The following GARIN1B variants were observed in gnomAD, a reference collection of about 807,000 sequenced individuals.
The protein encoded by GARIN1B is golgi associated RAB2 interactor 1B.
At chr7:128,726,633 C>T in the GARIN1B span, among the ~76,000 whole-genome samples, 1 of 151,966 alleles carries the variant, frequency 6.6e-6, no homozygotes, top group African/African-American at 2.4e-5. Flanking sequence ...TCCACCTCCC[C>T]CTTCCCGATT....
At chr7:128,719,163 C>A in the GARIN1B span, 1 of 1,476,100 alleles carries the variant, frequency 6.8e-7, no homozygotes, top group Non-Finnish European at 9.2e-7. Context: ...TGTGAGTGCC[C>A]TATGAAGGTG....
the GARIN1B span, among the ~76,000 whole-genome samples, chr7:128,719,817 A>G: frequency 6.9e-6 from 1 of 145,896 alleles, no homozygotes; most frequent in East Asian, 2.0e-4. Context: ...CTCCTGCCTC[A>G]GCCTCCCAAG....
At chr7:128,714,261 T>C in the GARIN1B span, 4 of 956,006 alleles carry the variant, frequency 4.2e-6, no homozygotes, top group South Asian at 4.2e-5. Flanking sequence ...TTGACCTTGA[T>C]GGTTAATTCA....
the GARIN1B span, chr7:128,726,839 G>C: frequency 6.2e-7 from 1 of 1,613,906 alleles, no homozygotes; most frequent in Non-Finnish European, 8.5e-7. Context: ...TTCAGGAGCA[G>C]CAGAAAGGTG....
the GARIN1B span, among the ~76,000 whole-genome samples, chr7:128,720,398 C>T: frequency 6.6e-6 from 1 of 152,028 alleles, no homozygotes; most frequent in Non-Finnish European, 1.5e-5. Context: ...CAGGGTTTCA[C>T]CATGTTGGCC....
chr7:128,723,063 T>A, the GARIN1B span: 1 of 1,097,086 alleles, frequency 9.1e-7, no homozygotes, highest in Non-Finnish European at 1.3e-6. Context: ...CAGAATTGCC[T>A]CTGTGAGCAG....
At chr7:128,714,405 T>C in the GARIN1B span, among the ~76,000 whole-genome samples, 9 of 151,966 alleles carry the variant, frequency 5.9e-5, no homozygotes, top group Non-Finnish European at 1.0e-4. Context: ...GGAGAAACCC[T>C]GTCTCTACTA....
At chr7:128,723,266 A>G in the GARIN1B span, 2 of 1,613,276 alleles carry the variant, frequency 1.2e-6, no homozygotes, top group Non-Finnish European at 1.7e-6. Context: ...CAAGGGGGAG[A>G]GTGAAGCCCT....
chr7:128,711,675 A>T, the GARIN1B span, among the ~76,000 whole-genome samples: 6 of 151,890 alleles, frequency 4.0e-5, no homozygotes, highest in African/African-American at 1.2e-4. Context: ...ACACACACAC[A>T]CACACACACA....
chr7:128,727,033 A>G, the GARIN1B span, among the ~76,000 whole-genome samples: 1 of 152,046 alleles, frequency 6.6e-6, no homozygotes, highest in African/African-American at 2.4e-5. Context: ...GGCCACCACA[A>G]TCAAGTTGGC....
chr7:128,730,301 C>A, the GARIN1B span, among the ~76,000 whole-genome samples: 2,724 of 152,276 alleles, frequency 0.018, 46 homozygotes, highest in Non-Finnish European at 0.028. Flanking sequence ...GACGCTATAG[C>A]TGCTTTCTCT....
chr7:128,711,177 GTA>G, the GARIN1B span, among the ~76,000 whole-genome samples: 2 of 152,074 alleles, frequency 1.3e-5, no homozygotes. Context: ...GGAGAGAAGA[GTA>G]GCATCTTACG....
the GARIN1B span, among the ~76,000 whole-genome samples, chr7:128,714,539 A>G: frequency 3.3e-5 from 5 of 151,864 alleles, no homozygotes; most frequent in East Asian, 1.9e-4. Context: ...GATCGCGCAC[A>G]TTGTACTCCA....
chr7:128,729,003 A>AT, the GARIN1B span, among the ~76,000 whole-genome samples: 1 of 152,230 alleles, frequency 6.6e-6, no homozygotes, highest in Non-Finnish European at 1.5e-5. Context: ...AAGAAAACAG[A>AT]TGTGAGGAAT....
the GARIN1B span, among the ~76,000 whole-genome samples, chr7:128,714,749 G>A: frequency 6.6e-6 from 1 of 152,130 alleles, no homozygotes; most frequent in Non-Finnish European, 1.5e-5. Context: ...CTCTCCAAGA[G>A]GGGGAACAGC....
At chr7:128,731,065 A>G in the GARIN1B span, 1 of 1,594,788 alleles carries the variant, frequency 6.3e-7, no homozygotes, top group Non-Finnish European at 8.6e-7. Flanking sequence ...GGTAATTTAT[A>G]TCCTATCAAA....
chr7:128,715,773 A>G, the GARIN1B span: 1 of 1,232,816 alleles, frequency 8.1e-7, no homozygotes, highest in Non-Finnish European at 1.2e-6. Flanking sequence ...CCATCCCTGA[A>G]ACTGGGGCAG....
At chr7:128,721,232 C>T in the GARIN1B span, among the ~76,000 whole-genome samples, 2 of 152,288 alleles carry the variant, frequency 1.3e-5, no homozygotes, top group East Asian at 3.9e-4. Flanking sequence ...AAGCAGTTCT[C>T]CTGCCTCAGC....
the GARIN1B span, among the ~76,000 whole-genome samples, chr7:128,723,656 T>C: frequency 6.6e-6 from 1 of 150,786 alleles, no homozygotes; most frequent in Admixed American, 6.6e-5. Flanking sequence ...ACTACAGGCA[T>C]GTGCCACCAT....
Sources: allele counts gnomAD v4.1 joint callset (sites outside exome capture counted in the v4.1 genomes callset), GRCh38; gene constraint gnomAD v4.1.1; transcripts MANE v1.5; gene names NCBI Gene and HGNC (gene_info 2026-07-23, HGNC 2026-07-21).